The following WBP2NL variants were observed in gnomAD, a reference collection of about 807,000 sequenced individuals.
WBP2NL encodes postacrosomal sheath WW domain-binding protein.
Under a neutral mutation model 23.3 loss-of-function variants are expected in WBP2NL, and 27 were observed. The ratio of observed to expected loss-of-function variants is 1.16; its 90% CI spans 0.85 to 1.60. The LOEUF is 1.60. Among genes scored for constraint, WBP2NL ranks in the 40% most tolerant of loss-of-function variants. The pLI is 0.00. For missense variants in WBP2NL, 370 were observed against 389.5 expected (o/e 0.95, Z 0.42); for synonymous variants, 151 against 145.9 (o/e 1.03, Z -0.25).
chr22:42,021,544 T>C (rs1923975319), intron 4 of WBP2NL, among the ~76,000 whole-genome samples: 1 of 152,198 alleles, frequency 6.6e-6, no homozygotes, highest in South Asian at 2.1e-4. Flanking sequence ...CAAGTGTTCT[T>C]ATAAGAGAGA....
intron 4 of WBP2NL, among the ~76,000 whole-genome samples, chr22:42,020,728 G>C (rs1923815774): frequency 6.7e-6 from 1 of 150,324 alleles, no homozygotes; most frequent in South Asian, 2.1e-4. Flanking sequence ...GCTTTTCTCA[G>C]GTTTAGTCCC....
At chr22:42,022,386 A>C in intron 5 of WBP2NL, 30 bp downstream of exon 5, 1 of 1,568,890 alleles carries the variant, frequency 6.4e-7, no homozygotes, top group African/African-American at 1.4e-5. Flanking sequence ...TTCTTCCTGG[A>C]AGGTGGAAAA....
chr22:42,022,228 T>C, intron 4 of WBP2NL, 21 bp from the exon 5 acceptor site: 1 of 1,608,388 alleles, frequency 6.2e-7, no homozygotes, highest in Non-Finnish European at 8.5e-7. Context: ...AGTTCCTATT[T>C]TGCCAAATTT....
chr22:42,003,327 A>C lies in WBP2NL; in HGVS notation c.62+4447A>C, dbSNP rs532650549. 5 of 152,760 alleles carry C rather than the reference A, an allele frequency of 3.3e-5. No individual in the cohort carries two copies. In the East Asian group the frequency reaches 9.6e-4, roughly 29 times the overall value. 9.5% of individuals were successfully genotyped at this position (152,760 alleles called of 1,614,324 possible). On this transcript the variant is annotated intron_variant, in intron 1 of 5. Coordinates refer to ENST00000328823, the MANE Select transcript of WBP2NL (RefSeq NM_152613.3). ...AAAGTTATGGAAAAAAGCAGTTGTG[A>C]CTATGGAAGCCCAAGGCTTATATCC...
At chr22:42,026,271 CAAAATAATAATAAT>C (rs1357885268) in intron 5 of WBP2NL, among the ~76,000 whole-genome samples, 12 of 106,422 alleles carry the variant, frequency 1.1e-4, no homozygotes, top group Non-Finnish European at 2.1e-4. Flanking sequence ...GACCCCCTCT[CAAAATAATAATAAT>C]AATAATAATA....
chr22:41,999,866 G>T (rs941183810), intron 1 of WBP2NL, among the ~76,000 whole-genome samples: 2 of 152,316 alleles, frequency 1.3e-5, no homozygotes, highest in East Asian at 3.9e-4. Context: ...TCCTTGCGGT[G>T]CCTGCTGCTG....
chr22:42,003,173 A>AG (rs1921872708), intron 1 of WBP2NL: 1 of 148,452 alleles, frequency 6.7e-6, no homozygotes, highest in African/African-American at 2.5e-5. Context: ...AAAAAAAAAA[A>AG]GTGCCAGCTT....
chr22:42,023,558 A>G (rs1924173393), intron 5 of WBP2NL, among the ~76,000 whole-genome samples: 1 of 151,620 alleles, frequency 6.6e-6, no homozygotes, highest in Non-Finnish European at 1.5e-5. Flanking sequence ...GCTGGAGTGC[A>G]GTGGCGCGAT....
At chr22:42,017,385 C>T (rs1463129544) in intron 1 of WBP2NL, among the ~76,000 whole-genome samples, 2 of 152,198 alleles carry the variant, frequency 1.3e-5, no homozygotes, top group Non-Finnish European at 2.9e-5. Context: ...GCTGGGATTA[C>T]AGGCGTGAGC....
At chr22:42,017,708 A>G (rs992057946) in intron 1 of WBP2NL, among the ~76,000 whole-genome samples, 4 of 152,166 alleles carry the variant, frequency 2.6e-5, no homozygotes, top group Non-Finnish European at 5.9e-5. Flanking sequence ...TACATATATC[A>G]TTAAGAAAGA....
Position 42,027,000 on chromosome 22 carries a change from T to G in WBP2NL, c.749T>G (p.Leu250Arg). The G allele has an allele frequency of 1.3e-6, 2 of 1,598,364 alleles. No homozygotes were observed. The highest frequency in any genetic ancestry group is 1.4e-5 in the African/African-American group (1 of 70,618). Residue 250 changes from leucine to arginine, a missense_variant, in exon 6 of 6, where the codon CTC (leucine) becomes CGC (arginine). Leu to Arg is a moderately radical substitution (Grantham distance 102, BLOSUM62 -2). Transcript: ENST00000328823. Reference sequence around the variant, plus strand: ...CCTCTTGGATATGGAACCCCACCTCTCGGATATGGAGCCCCACCTCTCGGA... The same window carrying G: ...CCTCTTGGATATGGAACCCCACCTCGCGGATATGGAGCCCCACCTCTCGGA... The part of the protein sequence containing the change: ...APPLGYGTPP[L>R]GYGAPPLGYG...
At chr22:42,023,649 G>A (rs112559316) in intron 5 of WBP2NL, among the ~76,000 whole-genome samples, 7,263 of 151,804 alleles carry the variant, frequency 0.048, 593 homozygotes, top group African/African-American at 0.17. Flanking sequence ...CCGCCACCAC[G>A]CCCGGCTAAT....
intron 8 of WBP2NL, among the ~76,000 whole-genome samples, chr22:42,046,499 G>A (rs1349821504): frequency 6.6e-6 from 1 of 152,156 alleles, no homozygotes; most frequent in Non-Finnish European, 1.5e-5. Flanking sequence ...CACATTTATT[G>A]ATAAACAGTG....
intron 5 of WBP2NL, among the ~76,000 whole-genome samples, chr22:42,026,262 A>AC (rs933619501): frequency 1.6e-3 from 228 of 142,594 alleles, no homozygotes; most frequent in African/African-American, 5.5e-3. Context: ...ACAGAGCGAG[A>AC]CCCCCTCTCA....
At chr22:42,039,107 C>T (rs997037073) in intron 8 of WBP2NL, among the ~76,000 whole-genome samples, 6 of 150,160 alleles carry the variant, frequency 4.0e-5, no homozygotes, top group Admixed American at 6.6e-5. Flanking sequence ...AGTCTCACCC[C>T]GTTGCCCAGG....
At chr22:42,047,269 CAAAAAAA>C (rs140516534) in intron 8 of WBP2NL, among the ~76,000 whole-genome samples, 7 of 101,494 alleles carry the variant, frequency 6.9e-5, no homozygotes, top group Non-Finnish European at 1.0e-4. Context: ...TTTTCAAGCT[CAAAAAAA>C]AAAAAAAAAA....
chr22:42,020,990 G>C (rs1488373141), intron 4 of WBP2NL, among the ~76,000 whole-genome samples: 1 of 129,014 alleles, frequency 7.8e-6, no homozygotes, highest in Non-Finnish European at 1.6e-5. Context: ...TGCAATCTTG[G>C]CTCACTGCAA....
At chr22:42,050,451 G>A (rs1188255922) in intron 8 of WBP2NL, among the ~76,000 whole-genome samples, 1 of 152,044 alleles carries the variant, frequency 6.6e-6, no homozygotes, top group East Asian at 1.9e-4. Flanking sequence ...TTTGAGACCA[G>A]CCTAGCCAAC....
intron 8 of WBP2NL, among the ~76,000 whole-genome samples, chr22:42,052,517 C>T (rs1450494710): frequency 3.3e-5 from 5 of 152,068 alleles, no homozygotes; most frequent in East Asian, 1.9e-4. Context: ...TGACCTCAGG[C>T]GATCCACCCA....
Sources: gnomAD v4.1 joint callset for allele counts (sites outside exome capture counted in the v4.1 genomes callset) on GRCh38, gnomAD v4.1.1 for gene constraint, MANE v1.5 for transcripts, NCBI Gene and HGNC (gene_info 2026-07-23, HGNC 2026-07-21) for gene names.